Variants in CADM2 observed in about 807,000 individuals in gnomAD.
The protein encoded by CADM2 is cell adhesion molecule 2.
Under a neutral mutation model 49.8 loss-of-function variants are expected in CADM2, and 12 were observed. The observed-to-expected ratio is 0.24, with a 90% CI of 0.15 to 0.39. The LOEUF (loss-of-function observed/expected upper bound fraction) is 0.39. Among genes scored for constraint, CADM2 ranks in the 10% least tolerant of loss-of-function variants. The pLI, the probability that CADM2 is intolerant of heterozygous loss-of-function variation, is 1.00. For synonymous variants in CADM2, 214 were observed against 175.4 expected, an observed-to-expected ratio of 1.22 and a Z score of -1.74; for missense variants, 378 against 492.3, an observed-to-expected ratio of 0.77 and a Z score of 2.20.
chr3:85,396,605 T>C (rs1023899183), intron 1 of CADM2, among the ~76,000 whole-genome samples: 1 of 152,092 alleles, frequency 6.6e-6, no homozygotes, highest in Non-Finnish European at 1.5e-5. Flanking sequence ...CATTACTCAT[T>C]ATTTTTCAAG....
chr3:86,024,391 C>T (rs1176944295), intron 8 of CADM2, among the ~76,000 whole-genome samples: 3 of 152,168 alleles, frequency 2.0e-5, no homozygotes, highest in Admixed American at 6.5e-5. Flanking sequence ...CTGAGTTATA[C>T]ATTAGAATTT....
chr3:86,072,772 A>G lies in CADM2; in HGVS notation c.*5989A>G, dbSNP rs369550587. ...AGGCAGTGGTCACCAATTGGTTAAAAAACTATGAAATGTAAACTGAATTGT... is the reference window on the plus strand; with the variant it reads ...AGGCAGTGGTCACCAATTGGTTAAAGAACTATGAAATGTAAACTGAATTGT... On this transcript the variant is annotated 3_prime_UTR_variant, in exon 10 of 10. Coordinates refer to ENST00000383699, the MANE Select transcript of CADM2 (RefSeq NM_001167675.2). 17 of 152,220 alleles carry G rather than the reference A, an allele frequency of 1.1e-4. No homozygotes were observed. Among genetic ancestry groups the G allele is most frequent in the East Asian group, 9.6e-4 (5 of 5,188 alleles). The allele number at this position is 152,220 out of a possible 1,614,324, so 9.4% of individuals were successfully genotyped here.
At chr3:85,455,557 C>T (rs1038829774) in intron 1 of CADM2, among the ~76,000 whole-genome samples, 6 of 152,110 alleles carry the variant, frequency 3.9e-5, no homozygotes, top group Non-Finnish European at 7.3e-5. Context: ...GAAAAATATG[C>T]GAAGAAAGAC....
rs1559799260 is a variant in CADM2 at position 85,359,668 on chromosome 3, T to TATATATATA, written c.62-366854_62-366853insATATATATA. Among the ~76,000 whole-genome samples the TATATATATA allele has an allele frequency of 4.0e-4, 9 of 22,440 alleles. No homozygotes were observed. The East Asian group carries it at 7.1e-3, about 18-fold the overall frequency. 14.7% of individuals were successfully genotyped at this position (22,440 alleles called of 152,430 possible). Reference sequence around the variant, plus strand: ...TATATATATATATATATATATATATTTTTTTTTTTGGTGGAGGGGAGAAGA... The same window carrying TATATATATA: ...TATATATATATATATATATATATATTATATATATATTTTTTTTTGGTGGAGGGGAGAAGA... On this transcript the variant is annotated intron_variant, in intron 1 of 9. Coordinates refer to ENST00000383699, the MANE Select transcript of CADM2 (RefSeq NM_001167675.2).
intron 3 of CADM2, among the ~76,000 whole-genome samples, chr3:85,846,086 G>A (rs547638299): frequency 2.7e-4 from 41 of 152,108 alleles, no homozygotes; most frequent in Non-Finnish European, 1.3e-4. Context: ...GAGAAGTTCT[G>A]CAAAGCCCTT....
At chr3:85,518,922 A>G (rs918161234) in intron 1 of CADM2, among the ~76,000 whole-genome samples, 3 of 151,990 alleles carry the variant, frequency 2.0e-5, no homozygotes, top group African/African-American at 7.3e-5. Context: ...TTCACGGAAC[A>G]TTTTTCCAGC....
At position 86,047,867 on chromosome 3, in the gene CADM2, A is replaced by G. The variant is rs139647527; in HGVS notation, c.971-17738A>G. On this transcript the variant is annotated intron_variant, in intron 8 of 9. Transcript: ENST00000383699. Reference sequence around the variant, plus strand: ...ACAATTAAACTTAGCAGATGTTAGTATACATGGAGTTTTCTTTGGATTAGT... The same window carrying G: ...ACAATTAAACTTAGCAGATGTTAGTGTACATGGAGTTTTCTTTGGATTAGT... 3.8e-4 allele frequency among the ~76,000 whole-genome samples: 58 copies of G among 152,302 alleles called. No individual in the cohort carries two copies. In the South Asian group the frequency reaches 4.1e-3, roughly 11 times the overall value.
At chr3:85,226,169 T>A (rs980461358) in intron 1 of CADM2, among the ~76,000 whole-genome samples, 6 of 152,156 alleles carry the variant, frequency 3.9e-5, no homozygotes, top group African/African-American at 1.4e-4. Flanking sequence ...TTTCTGTTAA[T>A]TGGAATAGTT....
chr3:85,635,255 A>T (rs945430561), intron 1 of CADM2, among the ~76,000 whole-genome samples: 3 of 152,086 alleles, frequency 2.0e-5, no homozygotes, highest in Admixed American at 1.3e-4. Flanking sequence ...ACACACACAT[A>T]AGCGGCATAT....
intron 1 of CADM2, among the ~76,000 whole-genome samples, chr3:85,050,150 C>T (rs1218348189): frequency 6.6e-6 from 1 of 152,000 alleles, no homozygotes. Context: ...GAACATTGCT[C>T]ATCTTGCTCA....
intron 2 of CADM2, among the ~76,000 whole-genome samples, chr3:85,735,188 A>C (rs1036519991): frequency 6.6e-6 from 1 of 152,110 alleles, no homozygotes; most frequent in African/African-American, 2.4e-5. Context: ...TGGAAGAATG[A>C]GTTAGGAATA....
At chr3:86,062,854 C>G (rs1578097292) in intron 8 of CADM2, among the ~76,000 whole-genome samples, 1 of 150,900 alleles carries the variant, frequency 6.6e-6, no homozygotes, top group East Asian at 2.0e-4. Flanking sequence ...GCTTTACTTA[C>G]TCCTTTGACT....
chr3:85,096,660 A>G (rs2037808929), intron 1 of CADM2, among the ~76,000 whole-genome samples: 1 of 151,964 alleles, frequency 6.6e-6, no homozygotes, highest in Non-Finnish European at 1.5e-5. Flanking sequence ...CTAGAACAGC[A>G]TAACATTTCT....
chr3:84,981,092 G>A (rs2032150506), intron 1 of CADM2, among the ~76,000 whole-genome samples: 1 of 150,652 alleles, frequency 6.6e-6, no homozygotes, highest in South Asian at 2.1e-4. Flanking sequence ...TCATCATCTA[G>A]CATTAGGTAT....
intron 1 of CADM2, among the ~76,000 whole-genome samples, chr3:85,052,265 C>A (rs1576120100): frequency 6.6e-6 from 1 of 151,960 alleles, no homozygotes; most frequent in Non-Finnish European, 1.5e-5. Flanking sequence ...ATAGATGAAT[C>A]GAGAAAAATC....
intron 1 of CADM2, among the ~76,000 whole-genome samples, chr3:85,006,839 T>A (rs1438523592): frequency 6.6e-6 from 1 of 152,196 alleles, no homozygotes; most frequent in Non-Finnish European, 1.5e-5. Context: ...TTTTAATTTG[T>A]CTACTTTCTT....
chr3:85,892,100 A>G (rs1311025664), intron 5 of CADM2, among the ~76,000 whole-genome samples: 1 of 152,190 alleles, frequency 6.6e-6, no homozygotes, highest in Non-Finnish European at 1.5e-5. Flanking sequence ...GTTTGGGGAG[A>G]AGTCTGAAGA....
chr3:85,745,464 G>A (rs1341511756), intron 2 of CADM2, among the ~76,000 whole-genome samples: 1 of 151,972 alleles, frequency 6.6e-6, no homozygotes, highest in East Asian at 2.0e-4. Flanking sequence ...CAAATAAATG[G>A]ATCATGGAGA....
intron 1 of CADM2, among the ~76,000 whole-genome samples, chr3:85,091,650 C>T (rs903280912): frequency 2.0e-5 from 3 of 151,864 alleles, no homozygotes; most frequent in Admixed American, 6.6e-5. Flanking sequence ...ATTTAGAAAA[C>T]ATTTTTAGAT....
Sources: allele counts gnomAD v4.1 joint callset (sites outside exome capture counted in the v4.1 genomes callset), GRCh38; gene constraint gnomAD v4.1.1; transcripts MANE v1.5; gene names NCBI Gene and HGNC (gene_info 2026-07-23, HGNC 2026-07-21).